GCFC2: variants seen among roughly 807,000 people sequenced by gnomAD.
The protein encoded by GCFC2 is intron Large complex component GCFC2.
Under a neutral mutation model 99.4 loss-of-function variants are expected in GCFC2, and 102 were observed. The observed-to-expected ratio is 1.03, with a 90% CI of 0.87 to 1.21. GCFC2 has a LOEUF of 1.21. Among genes scored for constraint, GCFC2 ranks in the 50% most tolerant of loss-of-function variants. The pLI, the probability that GCFC2 is intolerant of heterozygous loss-of-function variation, is 0.00. For missense variants in GCFC2, 973 were observed against 920.9 expected (o/e 1.06, Z -0.73); for synonymous variants, 338 against 316.8 (o/e 1.07, Z -0.71).
intron 4 of GCFC2, among the ~76,000 whole-genome samples, chr2:75,700,355 A>T (rs1023329783): frequency 1.3e-5 from 2 of 152,202 alleles, no homozygotes; most frequent in African/African-American, 2.4e-5. Flanking sequence ...AATATTTACC[A>T]TAGGGTTCAC....
At chr2:75,693,765 C>G (rs746884149) in intron 6 of GCFC2, among the ~76,000 whole-genome samples, 63 of 151,720 alleles carry the variant, frequency 4.2e-4, no homozygotes, top group Middle Eastern at 3.2e-3. Flanking sequence ...CACTAAGAAC[C>G]ACAAAGATAA....
chr2:75,702,279 C>T lies in GCFC2; in HGVS notation c.539G>A (p.Ser180Asn), dbSNP rs756995647. The change falls in exon 3 of 17, where the codon AGT (serine) becomes AAT (asparagine). Residue 180 changes from serine to asparagine, a missense_variant. By Grantham distance (46) the Ser-to-Asn change is conservative. Transcript: ENST00000321027. ...MKRESEDDPE[S>N]EPDDHEKRIP... is the part of the protein sequence containing the mutation. ...TCTCTTTTCATGGTCATCAGGCTCA[C>T]TCTCAGGGTCATCTTCGCTCTCTCT... 1 of 1,613,580 alleles carries T rather than the reference C, an allele frequency of 6.2e-7. No homozygotes were observed. Among genetic ancestry groups the T allele is most frequent in the Non-Finnish European group, 8.5e-7 (1 of 1,179,496 alleles).
chr2:75,687,751 GAATATA>G, intron 11 of GCFC2, 70 bp downstream of exon 11: 2 of 1,125,664 alleles, frequency 1.8e-6, no homozygotes, highest in South Asian at 2.8e-5. Flanking sequence ...AAAACTTTGT[GAATATA>G]ACAGAAATTA....
intron 14 of GCFC2, among the ~76,000 whole-genome samples, chr2:75,670,958 C>G (rs1009948110): frequency 2.0e-5 from 3 of 152,112 alleles, no homozygotes; most frequent in Non-Finnish European, 4.4e-5. Context: ...CCCAGAAAGC[C>G]TTTTCCCTGA....
intron 4 of GCFC2, among the ~76,000 whole-genome samples, chr2:75,699,996 G>A (rs929889159): frequency 6.6e-6 from 1 of 151,888 alleles, no homozygotes; most frequent in Non-Finnish European, 1.5e-5. Flanking sequence ...GACCTCCTGG[G>A]CTCAAGCAAT....
chr2:75,699,129 TGA>T (rs1680462851), intron 4 of GCFC2, among the ~76,000 whole-genome samples: 1 of 152,072 alleles, frequency 6.6e-6, no homozygotes, highest in Admixed American at 6.6e-5. Context: ...AGTATGGAAA[TGA>T]GAGTGACAGT....
intron 1 of GCFC2, among the ~76,000 whole-genome samples, chr2:75,707,188 G>C (rs1178151992): frequency 6.6e-6 from 1 of 152,210 alleles, no homozygotes; most frequent in Non-Finnish European, 1.5e-5. Flanking sequence ...TCTCTTTATA[G>C]TATGCCATAT....
chr2:75,664,703 T>G lies in GCFC2; in HGVS notation c.2309A>C (p.His770Pro). 1.3e-6 allele frequency: 2 copies of G among 1,540,078 alleles called. No homozygotes were observed. The highest frequency in any genetic ancestry group is 1.8e-6 in the Non-Finnish European group (2 of 1,114,040). Residue 770 changes from histidine (H) to proline (P), a missense_variant, in exon 17 of 17, where the codon CAC becomes CCC. By Grantham distance (77) the His-to-Pro change is moderately conservative. Coordinates refer to ENST00000321027, the MANE Select transcript of GCFC2 (RefSeq NM_003203.5). ...NQAESFIGEH[H>P]LDHLKSLIKE... Reference sequence around the variant, plus strand: ...AATTAGTGATTTAAGATGGTCTAGGTGATGCTCTCCTATGAAGGATTCTGC... The same window carrying G: ...AATTAGTGATTTAAGATGGTCTAGGGGATGCTCTCCTATGAAGGATTCTGC...
intron 14 of GCFC2, among the ~76,000 whole-genome samples, chr2:75,671,595 G>A (rs1396182329): frequency 6.6e-6 from 1 of 152,084 alleles, no homozygotes; most frequent in Non-Finnish European, 1.5e-5. Context: ...TAGCTTGTGG[G>A]TTAAATCCAT....
chr2:75,665,296 G>A (rs1257440577), intron 16 of GCFC2, among the ~76,000 whole-genome samples: 8 of 151,966 alleles, frequency 5.3e-5, no homozygotes, highest in Admixed American at 2.0e-4. Context: ...GGACTCAGGC[G>A]CATGCCACCA....
chr2:75,711,211 C>T (rs1487914046), upstream of GCFC2: 3 of 985,202 alleles, frequency 3.0e-6, no homozygotes, highest in Non-Finnish European at 3.6e-6. Flanking sequence ...GTTATGCTTT[C>T]CGTCCTGGAC....
At chr2:75,706,413 T>C in intron 2 of GCFC2, 110 bp downstream of exon 2, 1 of 682,582 alleles carries the variant, frequency 1.5e-6, no homozygotes, top group Admixed American at 2.7e-5. Flanking sequence ...CAATCATCAT[T>C]AATGACCTAC....
Position 75,680,296 on chromosome 2 carries a change from C to A in GCFC2, c.1709G>T (p.Trp570Leu). 6.2e-7 allele frequency: 1 copy of A among 1,610,038 alleles called. No individual in the cohort carries two copies. The highest frequency in any genetic ancestry group is 1.1e-5 in the South Asian group (1 of 90,750). Residue 570 changes from tryptophan (W) to leucine (L), a missense_variant, in exon 12 of 17, where the codon TGG becomes TTG. Physicochemically the swap from Trp to Leu is moderately conservative, Grantham distance 61 (BLOSUM62 -2). Coordinates refer to ENST00000321027, the MANE Select transcript of GCFC2 (RefSeq NM_003203.5). ...TGTCTGTGAGGTTGACAAAGGATCCCAAAGGAATTCTACAAAGTCTGAAAC... is the reference window on the plus strand; with the variant it reads ...TGTCTGTGAGGTTGACAAAGGATCCAAAAGGAATTCTACAAAGTCTGAAAC... ...PRLTDFVEFL[W>L]DPLSTSQTTS...
chr2:75,699,477 C>A (rs751775273), intron 4 of GCFC2, among the ~76,000 whole-genome samples: 1 of 152,218 alleles, frequency 6.6e-6, no homozygotes, highest in African/African-American at 2.4e-5. Flanking sequence ...ATTCTAGCAG[C>A]AGACCCACAG....
At chr2:75,688,071 T>A in intron 10 of GCFC2, 94 bp from the exon 11 acceptor site, 1 of 757,962 alleles carries the variant, frequency 1.3e-6, no homozygotes, top group South Asian at 2.0e-5. Context: ...ACCAGAGCTT[T>A]TCTAAGGATC....
intron 11 of GCFC2, among the ~76,000 whole-genome samples, chr2:75,681,827 G>A (rs773233668): frequency 6.6e-5 from 10 of 151,888 alleles, no homozygotes; most frequent in Non-Finnish European, 1.3e-4. Context: ...CAAAGCCACC[G>A]GGAAGTTCGA....
chr2:75,702,550 C>T, intron 2 of GCFC2, 127 bp from the exon 3 acceptor site: 4 of 686,642 alleles, frequency 5.8e-6, no homozygotes, highest in Non-Finnish European at 9.6e-6. Context: ...ATGAATGTGA[C>T]TTTAATAAAT....
chr2:75,676,038 T>C (rs971333834), intron 12 of GCFC2, among the ~76,000 whole-genome samples: 1 of 152,078 alleles, frequency 6.6e-6, no homozygotes, highest in African/African-American at 2.4e-5. Context: ...TGGACAAATG[T>C]TGGGGATGGT....
In GCFC2 at chr2:75,667,826, A is replaced by C. The variant is rs1678916751; in HGVS notation, c.2104-1773T>G. Among the ~76,000 whole-genome samples the C allele has an allele frequency of 2.0e-5, 3 of 152,328 alleles. 1 individual carries two copies. In the South Asian group the frequency reaches 6.2e-4, roughly 32 times the overall value. On this transcript the variant is annotated intron_variant, in intron 15 of 16. Coordinates refer to ENST00000321027, the MANE Select transcript of GCFC2 (RefSeq NM_003203.5). Reference sequence around the variant, plus strand: ...CACTTCATAATAGACCCTATGGTCAAAGGGGACTAAACTAAACCTGAACAA... The same window carrying C: ...CACTTCATAATAGACCCTATGGTCACAGGGGACTAAACTAAACCTGAACAA...
Sources: allele counts gnomAD v4.1 joint callset (sites outside exome capture counted in the v4.1 genomes callset), GRCh38; gene constraint gnomAD v4.1.1; transcripts MANE v1.5; gene names NCBI Gene and HGNC (gene_info 2026-07-23, HGNC 2026-07-21).